DMXL1: variants seen among roughly 807,000 people sequenced by gnomAD.
The protein encoded by DMXL1 is dmX-like protein 1.
Under a neutral mutation model 319.2 loss-of-function variants are expected in DMXL1, and 99 were observed. The ratio of observed to expected loss-of-function variants is 0.31; its 90% CI spans 0.26 to 0.37. DMXL1 has a LOEUF of 0.37. DMXL1 is among the 10% of genes least tolerant of loss of function. The probability of loss-of-function intolerance (pLI) is 1.00; values close to 1 mark genes in which losing one functional copy is unlikely to be tolerated. For synonymous variants in DMXL1, 1,385 were observed against 1,235.2 expected (o/e 1.12, Z -2.54); for missense variants, 3,745 against 3,595.6 (o/e 1.04, Z -1.06).
chr5:119,110,989 A>C (rs2149851583), intron 5 of DMXL1, among the ~76,000 whole-genome samples: 1 of 152,238 alleles, frequency 6.6e-6, no homozygotes, highest in East Asian at 1.9e-4. Flanking sequence ...GGGTTTCACC[A>C]TGTTGGCCAG....
chr5:119,213,541 C>T (rs796336930), intron 34 of DMXL1, among the ~76,000 whole-genome samples: 2 of 152,276 alleles, frequency 1.3e-5, no homozygotes, highest in African/African-American at 4.8e-5. Context: ...TACTCCATTT[C>T]TCTAGTCTCC....
chr5:119,131,001 T>A (rs1403703946), intron 10 of DMXL1, among the ~76,000 whole-genome samples: 2 of 151,616 alleles, frequency 1.3e-5, no homozygotes, highest in Non-Finnish European at 2.9e-5. Context: ...TTCATTATAT[T>A]ACTTTTTTTT....
intron 28 of DMXL1, chr5:119,178,786 C>A: frequency 2.8e-6 from 1 of 356,118 alleles, no homozygotes; most frequent in Non-Finnish European, 3.9e-6. Flanking sequence ...TTTTGTTTGG[C>A]ATTTATAGAA....
chr5:119,229,958 T>C (rs1786356874), intron 38 of DMXL1, among the ~76,000 whole-genome samples: 1 of 152,224 alleles, frequency 6.6e-6, no homozygotes, highest in South Asian at 2.1e-4. Flanking sequence ...GATAAGCTTA[T>C]GTTTAGCAAT....
intron 32 of DMXL1, among the ~76,000 whole-genome samples, chr5:119,201,969 A>G (rs892976193): frequency 1.3e-5 from 2 of 151,706 alleles, no homozygotes; most frequent in Non-Finnish European, 2.9e-5. Context: ...TTTCTTTTTT[A>G]TTAGTCTAGC....
At chr5:119,120,450 T>C (rs1761796830) in intron 8 of DMXL1, among the ~76,000 whole-genome samples, 2 of 152,242 alleles carry the variant, frequency 1.3e-5, no homozygotes, top group South Asian at 4.1e-4. Context: ...TATAGACCAT[T>C]TTATCATATG....
chr5:119,146,312 G>A (rs892921372), intron 15 of DMXL1, among the ~76,000 whole-genome samples: 1 of 151,836 alleles, frequency 6.6e-6, no homozygotes, highest in South Asian at 2.1e-4. Flanking sequence ...TTTTTCTGAT[G>A]TATTTTAAAA....
intron 19 of DMXL1, among the ~76,000 whole-genome samples, chr5:119,156,168 C>A (rs1197840933): frequency 6.6e-6 from 1 of 152,202 alleles, no homozygotes; most frequent in Non-Finnish European, 1.5e-5. Context: ...CCTTCAGTAA[C>A]CTCTACCCTG....
At position 119,244,534 on chromosome 5, in the gene DMXL1, T is replaced by A. The variant is rs1160156781; in HGVS notation, c.8880T>A (p.Thr2960=). The A allele has an allele frequency of 6.2e-7, 1 of 1,614,076 alleles. No homozygotes were observed. The highest frequency in any genetic ancestry group is 1.3e-5 in the African/African-American group (1 of 74,936). ...TTAAAGCCGTTGCTGTTGATCCAAC[T>A]GAAGAGTACTTTGTTACAGGATCTG... ...SPVKAVAVDP[T]EEYFVTGSAE... is the part of the protein sequence containing the mutation. Residue 2960 remains threonine, a synonymous_variant, in exon 43 of 44, where the codon ACT becomes ACA. Transcript: ENST00000539542.
Position 119,224,399 on chromosome 5 carries a change from A to G in DMXL1, c.8278-310A>G, listed in dbSNP as rs112901361. ...ACATGCTCCTGTCTTTTAAACTTAC[A>G]CTATTCAGGATTATTACTGAATAAT... is the stretch of plus-strand genomic sequence containing the variant. On this transcript the variant is annotated intron_variant, in intron 37 of 43. Transcript: ENST00000539542. Among the ~76,000 whole-genome samples the G allele has an allele frequency of 3.0e-3, 455 of 152,058 alleles. 3 individuals are homozygous for G. The highest frequency in any genetic ancestry group is 0.01 in the African/African-American group (423 of 41,528).
chr5:119,173,672 A>ATGTGTGTGTGTGTGTG (rs771056976), intron 25 of DMXL1, among the ~76,000 whole-genome samples: 16 of 110,224 alleles, frequency 1.5e-4, no homozygotes, highest in African/African-American at 4.1e-4. Flanking sequence ...AGTAGGATGT[A>ATGTGTGTGTGTGTGTG]TGTGTGTGTG....
intron 13 of DMXL1, among the ~76,000 whole-genome samples, chr5:119,134,688 C>A (rs1385290534): frequency 6.6e-6 from 1 of 152,148 alleles, no homozygotes; most frequent in African/African-American, 2.4e-5. Flanking sequence ...ATATCGGCCC[C>A]CCTGCAATTA....
chr5:119,142,825 G>A (rs1767711889), intron 13 of DMXL1, among the ~76,000 whole-genome samples: 1 of 152,010 alleles, frequency 6.6e-6, no homozygotes, highest in African/African-American at 2.4e-5. Context: ...AGAAAATGTG[G>A]TACATACACA....
At chr5:119,228,509 T>G (rs1786020456) in intron 38 of DMXL1, among the ~76,000 whole-genome samples, 1 of 152,208 alleles carries the variant, frequency 6.6e-6, no homozygotes, top group African/African-American at 2.4e-5. Flanking sequence ...ATGCAATTTC[T>G]GGAATACTTA....
intron 5 of DMXL1, among the ~76,000 whole-genome samples, chr5:119,113,484 G>T (rs1182447523): frequency 6.6e-6 from 1 of 152,158 alleles, no homozygotes; most frequent in African/African-American, 2.4e-5. Flanking sequence ...CTTGTGGTCT[G>T]CCCACTTCAG....
intron 29 of DMXL1, among the ~76,000 whole-genome samples, chr5:119,192,465 C>T (rs1418090020): frequency 2.0e-5 from 3 of 152,302 alleles, no homozygotes; most frequent in Middle Eastern, 3.4e-3. Flanking sequence ...TTCCCACTCA[C>T]ATTCAGCTTT....
chr5:119,193,397 C>T (rs1409560429), intron 29 of DMXL1, among the ~76,000 whole-genome samples: 1 of 152,148 alleles, frequency 6.6e-6, no homozygotes, highest in Non-Finnish European at 1.5e-5. Context: ...CTTGTTCCTT[C>T]TTGTCATTTA....
intron 1 of DMXL1, among the ~76,000 whole-genome samples, chr5:119,081,216 G>A (rs1383945896): frequency 6.6e-6 from 1 of 152,178 alleles, no homozygotes; most frequent in Non-Finnish European, 1.5e-5. Flanking sequence ...AAAGAAGACA[G>A]CTGCGTTTGG....
chr5:119,187,493 G>A (rs73242991), intron 28 of DMXL1, among the ~76,000 whole-genome samples: 4,779 of 152,222 alleles, frequency 0.031, 269 homozygotes, highest in African/African-American at 0.11. Flanking sequence ...TACAATTGGA[G>A]GACAAAGAAG....
Sources: gnomAD v4.1 joint callset for allele counts (sites outside exome capture counted in the v4.1 genomes callset) on GRCh38, gnomAD v4.1.1 for gene constraint, MANE v1.5 for transcripts, NCBI Gene and HGNC (gene_info 2026-07-23, HGNC 2026-07-21) for gene names.